Variants in TCEANC2 observed in about 807,000 individuals in gnomAD.
The protein encoded by TCEANC2 is transcription elongation factor A N-terminal and central domain containing 2.
Under a neutral mutation model 22.8 loss-of-function variants are expected in TCEANC2, and 20 were observed. The observed-to-expected ratio is 0.88, with a 90% CI of 0.62 to 1.28. TCEANC2 has a LOEUF of 1.28. Among genes scored for constraint, TCEANC2 ranks in the 50% most tolerant of loss-of-function variants. The probability of loss-of-function intolerance (pLI) is 0.00; values close to 1 mark genes in which losing one functional copy is unlikely to be tolerated. For synonymous variants in TCEANC2, 84 were observed against 95.5 expected, an observed-to-expected ratio of 0.88 and a Z score of 0.70; for missense variants, 251 against 249.7, an observed-to-expected ratio of 1.01 and a Z score of -0.03.
rs1658545751 is a variant in TCEANC2, at chr1:54,096,329, T to C, written c.483T>C (p.His161=). The change falls in exon 5 of 5, where the codon CAT becomes CAC. Residue 161 remains histidine, a synonymous_variant. Transcript: ENST00000234827. The surrounding 1 kb of genome is among the most constrained non-coding windows in gnomAD (Gnocchi z 4.9). ...LVENIERETF[H]LCSRLINGPY... The stretch of plus-strand genomic sequence containing the variant: ...AAAATATTGAACGGGAAACGTTTCA[T>C]CTCTGCTCCCGCCTCATTAATGGGC... 1 of 1,606,136 alleles carries C rather than the reference T, an allele frequency of 6.2e-7. No homozygotes were observed. Among genetic ancestry groups the C allele is most frequent in the African/African-American group, 1.3e-5 (1 of 74,950 alleles).
chr1:54,097,486 G>A lies in TCEANC2; in HGVS notation c.*1013G>A, dbSNP rs1658581187. 6.6e-6 allele frequency: 1 copy of A among 152,108 alleles called. No homozygotes were observed. The highest frequency in any genetic ancestry group is 2.4e-5 in the African/African-American group (1 of 41,398). The allele number at this position is 152,108 out of a possible 1,614,324, so 9.4% of individuals were successfully genotyped here. ...CACGTTTGTAATCTGAAAGGAAAGA[G>A]CTGGTAGAAGGGGAGAGATTTAAAA... On this transcript the variant is annotated 3_prime_UTR_variant, in exon 5 of 5. Transcript: ENST00000234827.
At chr1:54,086,546 T>C (rs1406166733) in intron 3 of TCEANC2, among the ~76,000 whole-genome samples, 1 of 152,126 alleles carries the variant, frequency 6.6e-6, no homozygotes, top group East Asian at 1.9e-4. Context: ...AGTAAAGAGA[T>C]AAAAAATAAA....
intron 4 of TCEANC2, among the ~76,000 whole-genome samples, chr1:54,094,039 G>T (rs886930119): frequency 2.6e-5 from 4 of 152,172 alleles, no homozygotes; most frequent in Admixed American, 2.6e-4. Flanking sequence ...AGGAAGCCTG[G>T]AAAAACTTGG....
At chr1:54,071,345 C>T (rs558740652) in intron 3 of TCEANC2, among the ~76,000 whole-genome samples, 1 of 152,288 alleles carries the variant, frequency 6.6e-6, no homozygotes, top group Non-Finnish European at 1.5e-5. Flanking sequence ...AGGTTGCAGT[C>T]AAGCTGCTGG....
intron 3 of TCEANC2, among the ~76,000 whole-genome samples, chr1:54,079,403 A>G (rs1264844659): frequency 1.3e-5 from 2 of 152,186 alleles, no homozygotes; most frequent in Non-Finnish European, 2.9e-5. Flanking sequence ...TTCTTATACC[A>G]TGTTATGCCA....
intron 4 of TCEANC2, among the ~76,000 whole-genome samples, chr1:54,088,999 C>A (rs911417564): frequency 6.6e-6 from 1 of 151,988 alleles, no homozygotes; most frequent in Non-Finnish European, 1.5e-5. Flanking sequence ...ATAAGCATTC[C>A]GGGAGACAGT....
intron 4 of TCEANC2, among the ~76,000 whole-genome samples, chr1:54,095,463 G>T (rs1658527314): frequency 6.6e-6 from 1 of 152,130 alleles, no homozygotes; most frequent in Non-Finnish European, 1.5e-5. Flanking sequence ...GGGGCTGGGG[G>T]GTCTCGGATC....
intron 4 of TCEANC2, among the ~76,000 whole-genome samples, chr1:54,095,304 C>T (rs961132865): frequency 2.6e-5 from 4 of 152,018 alleles, no homozygotes; most frequent in Admixed American, 1.3e-4. Context: ...GAGTGTTTTC[C>T]GTAGGGAAAG....
In TCEANC2 at chr1:54,096,871, G is replaced by T; in HGVS notation, c.*398G>T. On this transcript the variant is annotated 3_prime_UTR_variant, in exon 5 of 5. Transcript: ENST00000234827. This position sits in a 1 kb window ranked among gnomAD's most constrained non-coding sequence, Gnocchi z 4.9. Reference sequence around the variant, plus strand: ...TAACTGAAACTCAATTACCGCTGCCGCTCACTCGGTTCCATCCCCCTGAGT... The same window carrying T: ...TAACTGAAACTCAATTACCGCTGCCTCTCACTCGGTTCCATCCCCCTGAGT... The T allele has an allele frequency of 1.0e-6, 1 of 991,652 alleles. No individual in the cohort carries two copies. Among genetic ancestry groups the T allele is most frequent in the Non-Finnish European group, 1.2e-6 (1 of 833,690 alleles). 61.4% of individuals were successfully genotyped at this position (991,652 alleles called of 1,614,324 possible). A position where few individuals can be genotyped will look rare whatever the true frequency, so the allele number is the denominator to read the frequency against.
At chr1:54,072,586 G>A (rs1348523141) in intron 3 of TCEANC2, among the ~76,000 whole-genome samples, 3 of 151,988 alleles carry the variant, frequency 2.0e-5, no homozygotes, top group Non-Finnish European at 4.4e-5. Context: ...TAGTAGAGAC[G>A]GGGTTTCACC....
At chr1:54,087,676 C>T (rs566680638) in intron 3 of TCEANC2, among the ~76,000 whole-genome samples, 1 of 152,220 alleles carries the variant, frequency 6.6e-6, no homozygotes, top group African/African-American at 2.4e-5. Flanking sequence ...TTGAATCACA[C>T]GTCGCATTTG....
At chr1:54,109,057 C>T (rs1349853379), downstream of TCEANC2, among the ~76,000 whole-genome samples, 1 of 152,098 alleles carries the variant, frequency 6.6e-6, no homozygotes, top group African/African-American at 2.4e-5. Context: ...ATGAACCAGA[C>T]GGGGGCTCAC....
chr1:54,100,540 G>T lies in TCEANC2; in HGVS notation c.*4067G>T, dbSNP rs1196152323. The T allele has an allele frequency of 6.6e-6, 1 of 152,224 alleles. No homozygotes were observed. The highest frequency in any genetic ancestry group is 1.5e-5 in the Non-Finnish European group (1 of 68,052). The allele number at this position is 152,224 out of a possible 1,614,324, so 9.4% of individuals were successfully genotyped here. On this transcript the variant is annotated 3_prime_UTR_variant, in exon 5 of 5. Coordinates refer to ENST00000234827, the MANE Select transcript of TCEANC2 (RefSeq NM_153035.3). ...AAGGAATGAATAACACCACTCAGAG[G>T]AAGAATCTTCACAGAGGAGTTCATG...
intron 2 of TCEANC2, among the ~76,000 whole-genome samples, chr1:54,068,070 C>CTGT: frequency 6.6e-6 from 1 of 152,314 alleles, no homozygotes; most frequent in East Asian, 1.9e-4. Context: ...GATTCTTTAA[C>CTGT]TGTTAATTTT....
intron 2 of TCEANC2, among the ~76,000 whole-genome samples, chr1:54,055,835 T>G (rs1461807872): frequency 1.3e-5 from 2 of 152,190 alleles, no homozygotes; most frequent in Non-Finnish European, 2.9e-5. Context: ...GTCAGTCCCT[T>G]CTCTAAGACC....
chr1:54,090,706 A>G (rs1658430962), intron 4 of TCEANC2, among the ~76,000 whole-genome samples: 1 of 152,212 alleles, frequency 6.6e-6, no homozygotes, highest in South Asian at 2.1e-4. Context: ...GAAAGTTGTA[A>G]GTCTGATTTT....
chr1:54,104,324 C>T lies in TCEANC2; in HGVS notation c.*7851C>T, dbSNP rs916287190. The T allele has an allele frequency of 5.4e-6, 1 of 186,626 alleles. No individual in the cohort carries two copies. Among genetic ancestry groups the T allele is most frequent in the African/African-American group, 2.3e-5 (1 of 42,620 alleles). The allele number at this position is 186,626 out of a possible 1,614,324, so 11.6% of individuals were successfully genotyped here. A position where few individuals can be genotyped will look rare whatever the true frequency, so the allele number is the denominator to read the frequency against. ...GGAACACTTCCACTAAAAGAAACAT[C>T]AAGATTACTATGAACTATTAGCTGT... On this transcript the variant is annotated 3_prime_UTR_variant, in exon 5 of 5. Transcript: ENST00000234827.
At position 54,088,498 on chromosome 1, in the gene TCEANC2, G is replaced by C. The variant is rs971958568; in HGVS notation, c.245-99G>C. The C allele has an allele frequency of 8.6e-6, 8 of 926,136 alleles. No homozygotes were observed. The African/African-American group carries it at 1.4e-4, about 16-fold the overall frequency. The allele number at this position is 926,136 out of a possible 1,614,324, so 57.4% of individuals were successfully genotyped here. ...AGAGTCTTTACATCCTTGGGTGTGT[G>C]AATGACTTTCTCAGTGCCACACGTC... On this transcript the variant is annotated intron_variant, in intron 3 of 4. Transcript: ENST00000234827.
At chr1:54,074,390 G>T (rs529318177) in intron 3 of TCEANC2, among the ~76,000 whole-genome samples, 5 of 152,140 alleles carry the variant, frequency 3.3e-5, no homozygotes, top group Non-Finnish European at 7.3e-5. Flanking sequence ...GTGAACCCGG[G>T]GGGCAGAGCT....
Sources: allele counts gnomAD v4.1 joint callset (sites outside exome capture counted in the v4.1 genomes callset), GRCh38; gene constraint gnomAD v4.1.1; non-coding constraint Gnocchi (gnomAD v3.1); transcripts MANE v1.5; gene names NCBI Gene and HGNC (gene_info 2026-07-23, HGNC 2026-07-21).